Variants in LARGE1 observed in about 807,000 individuals in gnomAD.
LARGE1 encodes the protein LARGE xylosyl- and glucuronyltransferase 1.
In LARGE1, 43 loss-of-function variants were observed where a neutral mutation model predicts 87.6. The observed-to-expected ratio is 0.49, with a 90% CI of 0.38 to 0.63. LARGE1 has a LOEUF of 0.63. Among genes scored for constraint, LARGE1 ranks in the 30% least tolerant of loss-of-function variants. LARGE1 has a pLI of 0.00. For synonymous variants in LARGE1, 434 were observed against 394.6 expected (o/e 1.10, Z -1.18); for missense variants, 802 against 1,000.2 (o/e 0.80, Z 2.67).
At chr22:33,373,922 C>T (rs1038059328) in intron 9 of LARGE1, among the ~76,000 whole-genome samples, 7 of 135,438 alleles carry the variant, frequency 5.2e-5, no homozygotes, top group South Asian at 2.3e-4. Flanking sequence ...TGCAGTCAGC[C>T]GATATCGCGC....
intron 1 of LARGE1, among the ~76,000 whole-genome samples, chr22:33,899,575 A>C (rs996322129): frequency 1.2e-4 from 19 of 152,334 alleles, no homozygotes; most frequent in African/African-American, 4.3e-4. Context: ...CAAGCCACAC[A>C]GAATGAGAGT....
At chr22:33,462,027 A>C (rs2068402576) in intron 6 of LARGE1, among the ~76,000 whole-genome samples, 1 of 152,208 alleles carries the variant, frequency 6.6e-6, no homozygotes, top group Admixed American at 6.5e-5. Context: ...TAACAAATCC[A>C]ATTATTTTAA....
chr22:33,681,572 T>C (rs2081773231), intron 2 of LARGE1, among the ~76,000 whole-genome samples: 1 of 152,170 alleles, frequency 6.6e-6, no homozygotes, highest in Non-Finnish European at 1.5e-5. Context: ...GAAGCAAAAT[T>C]TAAGCACTTG....
At chr22:33,867,297 G>C (rs2064134069) in intron 1 of LARGE1, among the ~76,000 whole-genome samples, 1 of 152,182 alleles carries the variant, frequency 6.6e-6, no homozygotes, top group South Asian at 2.1e-4. Context: ...CCAAATGCCT[G>C]GGATAAACAT....
Position 33,843,699 on chromosome 22 carries a change from G to A in LARGE1, c.-83+76296C>T, listed in dbSNP as rs62227790. Among the ~76,000 whole-genome samples the A allele has an allele frequency of 4.4e-3, 673 of 152,078 alleles. 3 individuals carry two copies. Among genetic ancestry groups the A allele is most frequent in the Non-Finnish European group, 7.4e-3 (502 of 68,000 alleles). On this transcript the variant is annotated intron_variant, in intron 1 of 14. Coordinates refer to ENST00000397394, the MANE Select transcript of LARGE1 (RefSeq NM_133642.5). Reference sequence around the variant, plus strand: ...GATGAAAACAAGTCTTATCCTGCAGGTTTGAGTGCAGTAAAAGAAGTTTAA... The same window carrying A: ...GATGAAAACAAGTCTTATCCTGCAGATTTGAGTGCAGTAAAAGAAGTTTAA...
the LARGE1 span, among the ~76,000 whole-genome samples, chr22:33,140,218 C>T: frequency 3.3e-5 from 5 of 152,280 alleles, no homozygotes; most frequent in South Asian, 8.3e-4. Flanking sequence ...GCAGCCTCCC[C>T]CTTCTGGGAA....
At chr22:33,398,909 A>G (rs1352931482) in intron 7 of LARGE1, among the ~76,000 whole-genome samples, 1 of 152,196 alleles carries the variant, frequency 6.6e-6, no homozygotes, top group African/African-American at 2.4e-5. Flanking sequence ...CTTCGGAAAG[A>G]GCGTGGTTTG....
intron 1 of LARGE1, among the ~76,000 whole-genome samples, chr22:33,916,953 T>C (rs1436683117): frequency 6.6e-6 from 1 of 152,216 alleles, no homozygotes; most frequent in Admixed American, 6.5e-5. Context: ...GTCTTAATGT[T>C]AGAAATAAAG....
intron 6 of LARGE1, among the ~76,000 whole-genome samples, chr22:33,458,600 G>A (rs187367451): frequency 4.1e-4 from 62 of 151,178 alleles, no homozygotes; most frequent in African/African-American, 1.4e-3. Context: ...TAATGTTTTC[G>A]TATTTTTAGT....
At chr22:33,403,894 G>A (rs1272330703) in intron 7 of LARGE1, among the ~76,000 whole-genome samples, 1 of 152,086 alleles carries the variant, frequency 6.6e-6, no homozygotes, top group Non-Finnish European at 1.5e-5. Flanking sequence ...CACCGCGCCC[G>A]GCCCATACTA....
chr22:33,555,216 T>C (rs2077639930), intron 6 of LARGE1, among the ~76,000 whole-genome samples: 1 of 152,158 alleles, frequency 6.6e-6, no homozygotes, highest in Non-Finnish European at 1.5e-5. Flanking sequence ...GCAAATGCAA[T>C]TTTTTATATA....
At chr22:33,185,865 G>C (rs938228939) in intron 11 of LARGE1, among the ~76,000 whole-genome samples, 1 of 152,022 alleles carries the variant, frequency 6.6e-6, no homozygotes, top group African/African-American at 2.4e-5. Flanking sequence ...TCTATTACTA[G>C]TGATCCTACT....
chr22:33,146,268 G>A, the LARGE1 span, among the ~76,000 whole-genome samples: 1 of 152,164 alleles, frequency 6.6e-6, no homozygotes, highest in Non-Finnish European at 1.5e-5. Flanking sequence ...AGGCTTCATA[G>A]ATTTTAGACT....
At chr22:33,112,870 G>A in the LARGE1 span, among the ~76,000 whole-genome samples, 1 of 152,174 alleles carries the variant, frequency 6.6e-6, no homozygotes, top group African/African-American at 2.4e-5. Context: ...ACCCCTAACC[G>A]TAGTCCTCTT....
At chr22:33,870,586 T>C (rs1419526645) in intron 1 of LARGE1, among the ~76,000 whole-genome samples, 1 of 142,118 alleles carries the variant, frequency 7.0e-6, no homozygotes, top group Admixed American at 7.1e-5. Flanking sequence ...GTTGTTGTTG[T>C]TTGAGACCGT....
intron 10 of LARGE1, chr22:33,321,024 G>C (rs940353117): frequency 6.6e-6 from 1 of 152,222 alleles, no homozygotes; most frequent in African/African-American, 2.4e-5. Flanking sequence ...AACCCATTCT[G>C]CCTGGATCAT....
At chr22:33,441,425 T>C (rs185554648) in intron 6 of LARGE1, among the ~76,000 whole-genome samples, 2 of 152,252 alleles carry the variant, frequency 1.3e-5, no homozygotes, top group East Asian at 3.9e-4. Context: ...AGCTCTTCTA[T>C]ATTTAATAGG....
intron 7 of LARGE1, among the ~76,000 whole-genome samples, chr22:33,396,239 C>T (rs2065735837): frequency 6.6e-6 from 1 of 152,332 alleles, no homozygotes; most frequent in East Asian, 1.9e-4. Flanking sequence ...CGCAACCTTC[C>T]TCCCTTCTGC....
In LARGE1 at chr22:33,650,597, G is replaced by A. The variant is rs142135345; in HGVS notation, c.178C>T (p.Arg60Trp). 6.1e-4 allele frequency: 975 copies of A among 1,604,990 alleles called. 2 individuals are homozygous for A. Among genetic ancestry groups the A allele is most frequent in the Non-Finnish European group, 7.9e-4 (927 of 1,179,930 alleles). ...CGCACCTCCAGGCTCTCGCGCTCCCGCTGGCTGGAGGCCGTGTACCTGGGG... is the reference window on the plus strand; with the variant it reads ...CGCACCTCCAGGCTCTCGCGCTCCCACTGGCTGGAGGCCGTGTACCTGGGG... ...HSPRYTASSQ[R>W]ERESLEVRMR... is the part of the protein sequence containing the mutation. The change falls in exon 3 of 15, where the codon CGG becomes TGG. Residue 60 changes from arginine to tryptophan, a missense_variant. Arg to Trp is a moderately radical substitution (Grantham distance 101). Transcript: ENST00000397394.
Sources: allele counts gnomAD v4.1 joint callset (sites outside exome capture counted in the v4.1 genomes callset), GRCh38; gene constraint gnomAD v4.1.1; transcripts MANE v1.5; gene names NCBI Gene and HGNC (gene_info 2026-07-23, HGNC 2026-07-21).